Variants in SFMBT2 observed in about 807,000 individuals in gnomAD.
SFMBT2 encodes the protein scm-like with four MBT domains protein 2.
In SFMBT2, 38 loss-of-function variants were observed where a neutral mutation model predicts 110.1. The ratio of observed to expected loss-of-function variants is 0.35; its 90% CI spans 0.27 to 0.45. The LOEUF is 0.45. SFMBT2 is among the 20% of genes least tolerant of loss of function. The pLI is 1.00. For missense variants in SFMBT2, 1,011 were observed against 1,094.9 expected, an observed-to-expected ratio of 0.92 and a Z score of 1.08; for synonymous variants, 425 against 425.4, an observed-to-expected ratio of 1.00 and a Z score of 0.01.
At chr10:7,179,406 AAAAAAAAAAACAAAAG>A (rs1431520729) in intron 16 of SFMBT2, among the ~76,000 whole-genome samples, 3 of 151,170 alleles carry the variant, frequency 2.0e-5, no homozygotes. Flanking sequence ...AAAAAAAAAA[AAAAAAAAAAACAAAAG>A]AAACAGCACA....
At chr10:7,392,263 C>T (rs1427097897) in intron 1 of SFMBT2, among the ~76,000 whole-genome samples, 1 of 152,078 alleles carries the variant, frequency 6.6e-6, no homozygotes. Context: ...GCCTGTAATC[C>T]CAACACTTTG....
intron 4 of SFMBT2, among the ~76,000 whole-genome samples, chr10:7,333,324 C>A (rs1449925158): frequency 3.3e-5 from 5 of 151,838 alleles, no homozygotes; most frequent in African/African-American, 1.2e-4. Context: ...TAAGGACACA[C>A]CATAATGCCT....
At chr10:7,322,968 A>G (rs898572178) in intron 4 of SFMBT2, among the ~76,000 whole-genome samples, 1 of 152,240 alleles carries the variant, frequency 6.6e-6, no homozygotes, top group East Asian at 1.9e-4. Context: ...TATTCTTCAT[A>G]GCTCTGTTTG....
Position 7,367,817 on chromosome 10 carries a change from T to C in SFMBT2, c.268A>G (p.Thr90Ala). The C allele has an allele frequency of 6.2e-7, 1 of 1,614,190 alleles. No homozygotes were observed. Among genetic ancestry groups the C allele is most frequent in the African/African-American group, 1.3e-5 (1 of 75,048 alleles). ...LEVANKNNPD[T>A]YWVATIITTC... ...GTAATGATCGTGGCCACCCAGTACG[T>C]GTCCGGGTTGTTCTTATTAGCCACT... Residue 90 changes from threonine to alanine, a missense_variant, in exon 4 of 21, where the codon ACG becomes GCG. Thr to Ala is a moderately conservative substitution (Grantham distance 58, BLOSUM62 0). Around this residue, in one of 2 missense-constraint regions of SFMBT2, gnomAD observed 979 missense variants for 1,016.1 expected, o/e 0.96. Transcript: ENST00000397167. The surrounding 1 kb of genome is among the most constrained non-coding windows in gnomAD (Gnocchi z 6.2).
chr10:7,211,016 G>C (rs7897768), intron 11 of SFMBT2, among the ~76,000 whole-genome samples: 1 of 151,782 alleles, frequency 6.6e-6, no homozygotes, highest in Admixed American at 6.6e-5. Context: ...ACAACCCTAA[G>C]AGATACGGGG....
At chr10:7,366,122 G>C (rs1844889748) in intron 4 of SFMBT2, among the ~76,000 whole-genome samples, 1 of 152,186 alleles carries the variant, frequency 6.6e-6, no homozygotes, top group Admixed American at 6.5e-5. Flanking sequence ...GAGCTATGCT[G>C]ACAGCTGGAG....
rs144044952 is a variant in SFMBT2 at position 7,338,257 on chromosome 10, A to G, written c.436+29392T>C. Among the ~76,000 whole-genome samples the G allele has an allele frequency of 5.8e-3, 890 of 152,352 alleles. 6 individuals are homozygous for G. The highest frequency in any genetic ancestry group is 0.02 in the African/African-American group (811 of 41,572). ...TCACTTCTGCCATACCTCAAAAAAT[A>G]AGTAAAATGTGCATGAACTTCACTG... On this transcript the variant is annotated intron_variant, in intron 4 of 20. Transcript: ENST00000397167.
chr10:7,324,961 CTTTTTT>C (rs869253757), intron 4 of SFMBT2, among the ~76,000 whole-genome samples: 1 of 92,134 alleles, frequency 1.1e-5, no homozygotes. Flanking sequence ...AGAGGCCCCA[CTTTTTT>C]TTTTTTTTTT....
chr10:7,403,877 C>G (rs1304548115), intron 1 of SFMBT2, among the ~76,000 whole-genome samples: 1 of 152,080 alleles, frequency 6.6e-6, no homozygotes, highest in Non-Finnish European at 1.5e-5. Context: ...AAATATGAAG[C>G]AACAAGAAGA....
At chr10:7,356,166 A>T (rs941646022) in intron 4 of SFMBT2, among the ~76,000 whole-genome samples, 1 of 152,088 alleles carries the variant, frequency 6.6e-6, no homozygotes, top group Non-Finnish European at 1.5e-5. Context: ...GCATCTCCGT[A>T]CTCTTGAATA....
intron 7 of SFMBT2, among the ~76,000 whole-genome samples, chr10:7,275,258 G>A (rs1315422547): frequency 6.6e-6 from 1 of 152,124 alleles, no homozygotes; most frequent in Admixed American, 6.6e-5. Flanking sequence ...GTGTGTATAG[G>A]GTACGTCAAA....
chr10:7,166,625 T>G (rs1837702507), intron 20 of SFMBT2, among the ~76,000 whole-genome samples: 1 of 152,304 alleles, frequency 6.6e-6, no homozygotes, highest in East Asian at 1.9e-4. Flanking sequence ...GTAAACAGAC[T>G]ATTAGGATAC....
At chr10:7,267,426 C>T (rs1249492264) in intron 7 of SFMBT2, among the ~76,000 whole-genome samples, 1 of 152,156 alleles carries the variant, frequency 6.6e-6, no homozygotes, top group African/African-American at 2.4e-5. Flanking sequence ...GATGCCAAGG[C>T]TTTGGACTCA....
intron 11 of SFMBT2, among the ~76,000 whole-genome samples, chr10:7,209,458 A>T (rs538304166): frequency 6.6e-6 from 1 of 152,370 alleles, no homozygotes; most frequent in African/African-American, 2.4e-5. Flanking sequence ...CTCAAAAACC[A>T]TGAGGAAGCT....
intron 9 of SFMBT2, among the ~76,000 whole-genome samples, chr10:7,229,515 T>C (rs1305408224): frequency 2.0e-5 from 3 of 149,172 alleles, no homozygotes; most frequent in Non-Finnish European, 4.5e-5. Flanking sequence ...GAGGCAGAGG[T>C]TGCAGTGAGG....
chr10:7,325,953 T>A (rs985223339), intron 4 of SFMBT2, among the ~76,000 whole-genome samples: 45 of 152,222 alleles, frequency 3.0e-4, no homozygotes, highest in African/African-American at 9.2e-4. Context: ...AGTATTAAAC[T>A]GAATATTGTT....
intron 9 of SFMBT2, among the ~76,000 whole-genome samples, chr10:7,240,119 G>A (rs902247350): frequency 3.9e-5 from 6 of 152,082 alleles, no homozygotes; most frequent in Admixed American, 3.3e-4. Context: ...ATTGTTACAC[G>A]TCATGTCTAC....
rs148447742 is a variant in SFMBT2 at position 7,354,658 on chromosome 10, ACAGG to A, written c.436+12987_436+12990del. ...ACAGGGGCTGTATCTGAACCCTAAA[ACAGG>A]CCCAGACACACCAAGTGCAAATACA... On this transcript the variant is annotated intron_variant, in intron 4 of 20. Transcript: ENST00000397167. Among the ~76,000 whole-genome samples, 492 of 152,328 alleles carry A rather than the reference ACAGG, an allele frequency of 3.2e-3. 3 individuals are homozygous for A. The highest frequency in any genetic ancestry group is 8.3e-3 in the East Asian group (43 of 5,192).
intron 4 of SFMBT2, among the ~76,000 whole-genome samples, chr10:7,352,865 G>C (rs1844369243): frequency 6.6e-6 from 1 of 152,080 alleles, no homozygotes; most frequent in Non-Finnish European, 1.5e-5. Flanking sequence ...CTAAAAATTA[G>C]CCAGGCGTGA....
Sources: allele counts gnomAD v4.1 joint callset (sites outside exome capture counted in the v4.1 genomes callset), GRCh38; gene constraint gnomAD v4.1.1; regional missense constraint gnomAD v4.1.1; non-coding constraint Gnocchi (gnomAD v3.1); transcripts MANE v1.5; gene names NCBI Gene and HGNC (gene_info 2026-07-23, HGNC 2026-07-21).